KIF5C: variants seen among roughly 807,000 people sequenced by gnomAD.
The protein encoded by KIF5C is kinesin heavy chain isoform 5C.
A neutral mutation model predicts 125.2 loss-of-function variants in KIF5C; 18 were observed. The observed-to-expected ratio is 0.14, with a 90% confidence interval of 0.10 to 0.21. The LOEUF (loss-of-function observed/expected upper bound fraction) is 0.21, where lower values mean the gene tolerates loss of function less well. Among genes scored for constraint, KIF5C ranks in the 10% least tolerant of loss-of-function variants. KIF5C has a pLI of 1.00. For synonymous variants in KIF5C, 405 were observed against 434.0 expected (o/e 0.93, Z 0.83); for missense variants, 780 against 1,183.8 (o/e 0.66, Z 5.01).
At position 148,887,681 on chromosome 2, in the gene KIF5C, C is replaced by T. The variant is rs937256485; in HGVS notation, c.126+11938C>T. ...ATCTGCTTAGAAAATGTAAAATTTG[C>T]TTTTTTTTTTTTTAAATTCAACTTC... is the stretch of plus-strand genomic sequence containing the variant. On this transcript the variant is annotated intron_variant, in intron 1 of 25. Coordinates refer to ENST00000435030, the MANE Select transcript of KIF5C (RefSeq NM_004522.3). 4.2e-5 allele frequency among the ~76,000 whole-genome samples: 6 copies of T among 143,072 alleles called. No individual in the cohort carries two copies. The South Asian group carries it at 1.3e-3, about 32-fold the overall frequency. 93.9% of individuals were successfully genotyped at this position (143,072 alleles called of 152,430 possible).
chr2:148,979,779 T>C (rs146047819), intron 13 of KIF5C, among the ~76,000 whole-genome samples: 1 of 152,312 alleles, frequency 6.6e-6, no homozygotes, highest in East Asian at 1.9e-4. Flanking sequence ...TGCGTCAGCA[T>C]GTTTGATACA....
chr2:148,990,036 T>A (rs72866054), intron 15 of KIF5C, among the ~76,000 whole-genome samples: 55,174 of 152,158 alleles, frequency 0.36, 11,290 homozygotes, highest in South Asian at 0.52. Flanking sequence ...AGCCTGTGTT[T>A]CTGCGCTGGA....
At chr2:148,981,308 C>A in intron 13 of KIF5C, 47 bp from the exon 14 acceptor site, 1 of 1,542,562 alleles carries the variant, frequency 6.5e-7, no homozygotes, top group South Asian at 1.3e-5. Flanking sequence ...AGAACATAAA[C>A]ATTTGAACAT....
chr2:149,017,492 C>T (rs1317136606), intron 25 of KIF5C, among the ~76,000 whole-genome samples: 1 of 152,196 alleles, frequency 6.6e-6, no homozygotes, highest in Non-Finnish European at 1.5e-5. Context: ...ATCTGCCCAG[C>T]TCCCTCGTTT....
intron 15 of KIF5C, among the ~76,000 whole-genome samples, chr2:148,984,949 C>G (rs1290677213): frequency 1.3e-5 from 2 of 152,154 alleles, no homozygotes; most frequent in Admixed American, 6.5e-5. Flanking sequence ...TGCCACCAGG[C>G]CCTGCTAATT....
At chr2:148,929,182 A>G in intron 2 of KIF5C, 99 bp from the exon 3 acceptor site, 1 of 675,234 alleles carries the variant, frequency 1.5e-6, no homozygotes, top group Non-Finnish European at 2.5e-6. Context: ...ATGAAAAATG[A>G]GATGGGCCAT....
intron 2 of KIF5C, among the ~76,000 whole-genome samples, chr2:148,925,053 G>A (rs1369361755): frequency 6.6e-6 from 1 of 152,158 alleles, no homozygotes; most frequent in Non-Finnish European, 1.5e-5. Flanking sequence ...AAAATGCCAC[G>A]GGAACACAGA....
intron 10 of KIF5C, among the ~76,000 whole-genome samples, chr2:148,950,806 C>CAA (rs562335483): frequency 1.1e-4 from 12 of 110,584 alleles, no homozygotes; most frequent in Admixed American, 2.9e-4. Flanking sequence ...GAGACTGTCT[C>CAA]AAAAAAAAAA....
At chr2:149,016,304 A>C (rs1267076603) in intron 25 of KIF5C, among the ~76,000 whole-genome samples, 1 of 152,092 alleles carries the variant, frequency 6.6e-6, no homozygotes, top group Non-Finnish European at 1.5e-5. Context: ...TGATTAGACA[A>C]GGCCACTCTG....
intron 13 of KIF5C, among the ~76,000 whole-genome samples, chr2:148,980,490 G>C (rs910261703): frequency 2.0e-5 from 3 of 152,042 alleles, no homozygotes; most frequent in African/African-American, 7.2e-5. Context: ...TAAAGATACT[G>C]TTTGGGGTAC....
At chr2:148,987,366 T>A (rs552784029) in intron 15 of KIF5C, among the ~76,000 whole-genome samples, 37 of 152,294 alleles carry the variant, frequency 2.4e-4, no homozygotes, top group Non-Finnish European at 4.6e-4. Context: ...GCAGCCTTAG[T>A]AGCCTGGCCA....
intron 1 of KIF5C, among the ~76,000 whole-genome samples, chr2:148,912,543 C>T (rs1282075433): frequency 6.6e-6 from 1 of 152,178 alleles, no homozygotes; most frequent in African/African-American, 2.4e-5. Flanking sequence ...TTATTGGGCT[C>T]ACATGATCCT....
At chr2:148,901,865 G>A (rs754172434) in intron 1 of KIF5C, among the ~76,000 whole-genome samples, 10 of 152,154 alleles carry the variant, frequency 6.6e-5, no homozygotes, top group African/African-American at 2.2e-4. Flanking sequence ...TCTGGAGGAC[G>A]GCCTGTGAGA....
At position 148,991,199 on chromosome 2, in the gene KIF5C, G is replaced by GT; in HGVS notation, c.1905+2dup. 6.2e-7 allele frequency: 1 copy of GT among 1,612,984 alleles called. No individual in the cohort carries two copies. Among genetic ancestry groups the GT allele is most frequent in the Non-Finnish European group, 8.5e-7 (1 of 1,179,530 alleles). On this transcript the variant is annotated splice_donor_variant, in intron 16 of 25. Coordinates refer to ENST00000435030, the MANE Select transcript of KIF5C (RefSeq NM_004522.3). LOFTEE classifies it high-confidence loss of function. ...AGCCTGCCAGCTGCTCATCTCCCAGGTGGGCCCTTCCCTTCCCCATCATTG... is the reference window on the plus strand; with the variant it reads ...AGCCTGCCAGCTGCTCATCTCCCAGGTTGGGCCCTTCCCTTCCCCATCATTG...
chr2:149,009,362 G>A lies in KIF5C; in HGVS notation c.2551-773G>A, dbSNP rs542120062. 1.4e-3 allele frequency among the ~76,000 whole-genome samples: 210 copies of A among 152,268 alleles called. 2 individuals carry two copies. The highest frequency in any genetic ancestry group is 4.7e-3 in the African/African-American group (194 of 41,536). On this transcript the variant is annotated intron_variant, in intron 23 of 25. Coordinates refer to ENST00000435030, the MANE Select transcript of KIF5C (RefSeq NM_004522.3). ...GTACTCTCTGCCAGGCACTAGAGCT[G>A]GTGCTAGGAGAACAAAGCAGGAGAC... is the stretch of plus-strand genomic sequence containing the variant.
chr2:148,878,474 G>A (rs1325277987), intron 1 of KIF5C: 5 of 152,170 alleles, frequency 3.3e-5, no homozygotes, highest in African/African-American at 7.2e-5. Flanking sequence ...GATAGTTTCC[G>A]GTTTGGGGCT....
At chr2:148,996,325 A>C (rs1681672069) in intron 17 of KIF5C, among the ~76,000 whole-genome samples, 1 of 152,248 alleles carries the variant, frequency 6.6e-6, no homozygotes, top group South Asian at 2.1e-4. Flanking sequence ...AGGCAAATTT[A>C]AAAAGAAAGA....
intron 1 of KIF5C, among the ~76,000 whole-genome samples, chr2:148,887,967 C>A (rs924441414): frequency 1.1e-4 from 16 of 152,270 alleles, no homozygotes; most frequent in Non-Finnish European, 7.3e-5. Flanking sequence ...CCCCTTACCC[C>A]CGCAGCAAGG....
chr2:148,951,340 C>A (rs142654554), intron 10 of KIF5C, among the ~76,000 whole-genome samples: 315 of 152,284 alleles, frequency 2.1e-3, no homozygotes, highest in African/African-American at 7.3e-3. Context: ...CATGAGACTT[C>A]CTAGATCCCT....
Sources: allele counts gnomAD v4.1 joint callset (sites outside exome capture counted in the v4.1 genomes callset), GRCh38; gene constraint gnomAD v4.1.1; transcripts MANE v1.5; gene names NCBI Gene and HGNC (gene_info 2026-07-23, HGNC 2026-07-21).